Variants in SLC24A2 observed in about 807,000 individuals in gnomAD.
The protein encoded by SLC24A2 is solute carrier family 24 member 2.
SLC24A2 carries 36 observed loss-of-function variants against 62.0 expected under a neutral mutation model. The observed-to-expected ratio is 0.58, with a 90% CI of 0.44 to 0.77. SLC24A2 has a LOEUF of 0.77. SLC24A2 is among the 30% of genes least tolerant of loss of function. The pLI is 0.00. For missense variants in SLC24A2, 846 were observed against 817.9 expected (o/e 1.03, Z -0.42); for synonymous variants, 358 against 294.0 (o/e 1.22, Z -2.23).
the SLC24A2 span, among the ~76,000 whole-genome samples, chr9:19,870,802 T>C: frequency 2.6e-5 from 4 of 152,192 alleles, no homozygotes; most frequent in South Asian, 8.3e-4. Context: ...TTTGTATATC[T>C]ACTTTGGAGA....
At chr9:20,196,368 ACTTGCATTTTCT>A in the SLC24A2 span, among the ~76,000 whole-genome samples, 1 of 152,352 alleles carries the variant, frequency 6.6e-6, no homozygotes, top group East Asian at 1.9e-4. Context: ...ACAGGACTGC[ACTTGCATTTTCT>A]AACTAGTGAG....
the SLC24A2 span, among the ~76,000 whole-genome samples, chr9:19,918,921 C>A: frequency 2.0e-5 from 3 of 152,258 alleles, no homozygotes; most frequent in African/African-American, 7.2e-5. Context: ...GGTACTGCTG[C>A]CAGATTACAA....
rs140288190 is a variant in SLC24A2 at position 19,523,994 on chromosome 9, C to G, written c.1570-2934G>C. Among the ~76,000 whole-genome samples, 81 of 152,098 alleles carry G rather than the reference C, an allele frequency of 5.3e-4. 1 individual carries two copies. Among genetic ancestry groups the G allele is most frequent in the African/African-American group, 1.8e-3 (74 of 41,470 alleles). ...ATAAGCTTGTTTTGAGTACATTTCA[C>G]TCAAGTTAACTTTTGTCAAATCAGT... On this transcript the variant is annotated intron_variant, in intron 9 of 10. Coordinates refer to ENST00000341998, the MANE Select transcript of SLC24A2 (RefSeq NM_020344.4).
At chr9:20,024,584 G>C in the SLC24A2 span, among the ~76,000 whole-genome samples, 1 of 151,900 alleles carries the variant, frequency 6.6e-6, no homozygotes, top group African/African-American at 2.4e-5. Context: ...AAGATTATGT[G>C]ATTAGTTATG....
At chr9:20,217,987 C>G in the SLC24A2 span, among the ~76,000 whole-genome samples, 1 of 152,210 alleles carries the variant, frequency 6.6e-6, no homozygotes, top group Admixed American at 6.5e-5. Flanking sequence ...GAAACCCCAG[C>G]TTCATTTCTG....
At chr9:20,276,436 C>A in the SLC24A2 span, among the ~76,000 whole-genome samples, 13 of 152,358 alleles carry the variant, frequency 8.5e-5, no homozygotes, top group Non-Finnish European at 1.9e-4. Flanking sequence ...TGGTCTTGGG[C>A]AGCTCTGCCC....
chr9:20,268,148 G>A, the SLC24A2 span, among the ~76,000 whole-genome samples: 4 of 152,188 alleles, frequency 2.6e-5, no homozygotes, highest in Non-Finnish European at 5.9e-5. Flanking sequence ...GATGTGGGAA[G>A]CATGGCTTAG....
At chr9:20,197,080 TG>T in the SLC24A2 span, among the ~76,000 whole-genome samples, 1 of 152,200 alleles carries the variant, frequency 6.6e-6, no homozygotes. Flanking sequence ...TTTTATGTGA[TG>T]GGGGGATTCT....
the SLC24A2 span, among the ~76,000 whole-genome samples, chr9:19,813,071 G>A: frequency 6.6e-6 from 1 of 152,160 alleles, no homozygotes; most frequent in Non-Finnish European, 1.5e-5. Context: ...AGAGGAACCA[G>A]CCACATGTCA....
At chr9:20,171,523 G>C in the SLC24A2 span, among the ~76,000 whole-genome samples, 1 of 151,932 alleles carries the variant, frequency 6.6e-6, no homozygotes. Flanking sequence ...GGTGGAAAAA[G>C]ACATTCCATG....
chr9:20,163,747 G>C, the SLC24A2 span, among the ~76,000 whole-genome samples: 1 of 152,164 alleles, frequency 6.6e-6, no homozygotes, highest in East Asian at 1.9e-4. Flanking sequence ...CAAGGCTACA[G>C]TAACCAAAAC....
In SLC24A2 at chr9:19,731,524, T is replaced by TCC. The variant is rs1187705109; in HGVS notation, c.930+54412_930+54413insGG. Among the ~76,000 whole-genome samples, 8 of 119,970 alleles carry TCC rather than the reference T, an allele frequency of 6.7e-5. No individual in the cohort carries two copies. The East Asian group carries it at 2.2e-3, about 32-fold the overall frequency. The allele number at this position is 119,970 out of a possible 152,430, so 78.7% of individuals were successfully genotyped here. The stretch of plus-strand genomic sequence containing the variant: ...CTCTCTCTCTCTCTCTCCGTGTGTG[T>TCC]GTGTGTGTGTGTGTGTGTGCATGTG... On this transcript the variant is annotated intron_variant, in intron 2 of 10. Transcript: ENST00000341998.
the SLC24A2 span, among the ~76,000 whole-genome samples, chr9:20,038,628 C>CAAAAAAAAAAAAAAAAAA: frequency 1.2e-4 from 4 of 32,396 alleles, 1 homozygote; most frequent in African/African-American, 2.4e-4. Flanking sequence ...GTAAAAGAAA[C>CAAAAAAAAAAAAAAAAAA]AAACAAAAAA....
At chr9:20,253,185 T>C in the SLC24A2 span, among the ~76,000 whole-genome samples, 1 of 152,160 alleles carries the variant, frequency 6.6e-6, no homozygotes, top group Non-Finnish European at 1.5e-5. Context: ...AAGAAAATAT[T>C]ATGATGCAGT....
At chr9:20,033,655 T>C in the SLC24A2 span, among the ~76,000 whole-genome samples, 1 of 152,182 alleles carries the variant, frequency 6.6e-6, no homozygotes, top group Middle Eastern at 3.2e-3. Context: ...TACATTAGCA[T>C]GGTAAAAGAC....
chr9:19,746,194 G>A (rs1324734207), intron 2 of SLC24A2, among the ~76,000 whole-genome samples: 2 of 151,694 alleles, frequency 1.3e-5, no homozygotes, highest in South Asian at 2.1e-4. Context: ...GGAGGTAAGC[G>A]GCTCTCTTGT....
intron 2 of SLC24A2, among the ~76,000 whole-genome samples, chr9:19,650,822 A>AGT (rs61576823): frequency 0.2 from 30,283 of 149,060 alleles, 3,283 homozygotes; most frequent in Middle Eastern, 0.33. Context: ...ATCAGCTTCT[A>AGT]GTGTGTGTGT....
the SLC24A2 span, among the ~76,000 whole-genome samples, chr9:20,193,710 A>T: frequency 6.6e-6 from 1 of 152,164 alleles, no homozygotes; most frequent in Non-Finnish European, 1.5e-5. Flanking sequence ...AGAGAGACAT[A>T]CAAAAAATAA....
the SLC24A2 span, among the ~76,000 whole-genome samples, chr9:19,882,967 A>C: frequency 1.3e-5 from 2 of 152,228 alleles, no homozygotes; most frequent in Non-Finnish European, 2.9e-5. Flanking sequence ...AGAGAATCTG[A>C]CTAAACATTT....
Sources: gnomAD v4.1 joint callset for allele counts (sites outside exome capture counted in the v4.1 genomes callset) on GRCh38, gnomAD v4.1.1 for gene constraint, MANE v1.5 for transcripts, NCBI Gene and HGNC (gene_info 2026-07-23, HGNC 2026-07-21) for gene names.